The following ALDH1A1 variants were observed in gnomAD, a reference collection of about 807,000 sequenced individuals.
ALDH1A1 encodes aldehyde dehydrogenase 1 family member A1.
A neutral mutation model predicts 62.1 loss-of-function variants in ALDH1A1; 19 were observed. That is an observed-to-expected ratio of 0.31 (90% CI 0.21 to 0.45). The LOEUF (loss-of-function observed/expected upper bound fraction) is 0.45. ALDH1A1 is among the 20% of genes least tolerant of loss of function. The pLI is 1.00. For synonymous variants in ALDH1A1, 231 were observed against 215.9 expected (o/e 1.07, Z -0.61); for missense variants, 521 against 607.1 (o/e 0.86, Z 1.49).
chr9:72,944,141 G>A (rs1178909600), intron 1 of ALDH1A1, among the ~76,000 whole-genome samples: 1 of 152,000 alleles, frequency 6.6e-6, no homozygotes, highest in African/African-American at 2.4e-5. Flanking sequence ...ATATAAAAAG[G>A]GAGAGAGACC....
chr9:72,906,225 A>C (rs1286381759), intron 11 of ALDH1A1, among the ~76,000 whole-genome samples, 193 bp from the exon 12 acceptor site: 3 of 152,144 alleles, frequency 2.0e-5, no homozygotes, highest in African/African-American at 7.2e-5. Context: ...CCTAGAAACA[A>C]ATAGAATAGT....
At chr9:72,931,078 T>G (rs1458300618) in intron 2 of ALDH1A1, 59 bp from the exon 3 acceptor site, 5 of 1,599,478 alleles carry the variant, frequency 3.1e-6, no homozygotes, top group Admixed American at 1.7e-5. Flanking sequence ...GCAAATTTAA[T>G]GCCAATAACC....
intron 7 of ALDH1A1, among the ~76,000 whole-genome samples, chr9:72,920,149 G>C (rs545027010): frequency 6.6e-6 from 1 of 152,044 alleles, no homozygotes; most frequent in Non-Finnish European, 1.5e-5. Context: ...TAGATGTTTC[G>C]TGAGTGTATG....
intron 7 of ALDH1A1, among the ~76,000 whole-genome samples, chr9:72,920,625 G>A (rs1323156754): frequency 6.6e-6 from 1 of 152,226 alleles, no homozygotes; most frequent in Non-Finnish European, 1.5e-5. Flanking sequence ...TTAGAAGTAT[G>A]AATGAGAAAG....
chr9:72,914,404 A>G (rs1588133349), intron 9 of ALDH1A1, among the ~76,000 whole-genome samples: 1 of 152,292 alleles, frequency 6.6e-6, no homozygotes, highest in East Asian at 1.9e-4. Flanking sequence ...AGATTATCCA[A>G]TTGCACTGCA....
rs114821468 is a variant in ALDH1A1 at position 72,910,663 on chromosome 9, G to A, written c.1201-904C>T. ...TTCAATAAAATATTTATTAAGATCA[G>A]ATAAAGATTCCTGAAATTACCAGAA... On this transcript the variant is annotated intron_variant, in intron 10 of 12. Coordinates refer to ENST00000297785, the MANE Select transcript of ALDH1A1 (RefSeq NM_000689.5). 3.3e-3 allele frequency among the ~76,000 whole-genome samples: 502 copies of A among 152,192 alleles called. 2 individuals are homozygous for A. The highest frequency in any genetic ancestry group is 0.012 in the African/African-American group (480 of 41,534).
rs780323039 is a variant in ALDH1A1 at position 72,912,243 on chromosome 9, T to A, written c.1036-121A>T. 4.1e-6 allele frequency: 3 copies of A among 728,000 alleles called. No homozygotes were observed. In the South Asian group the frequency reaches 5.8e-5, roughly 14 times the overall value. The allele number at this position is 728,000 out of a possible 1,614,324, so 45.1% of individuals were successfully genotyped here. On this transcript the variant is annotated intron_variant, in intron 9 of 12. Transcript: ENST00000297785. ...TATTGCAATTAAACCAAATATTGAA[T>A]CGAAACAGCTAACAGAGGTTCAGAT... is the stretch of plus-strand genomic sequence containing the variant.
chr9:72,919,844 T>G (rs348460), intron 7 of ALDH1A1, among the ~76,000 whole-genome samples: 139,959 of 152,264 alleles, frequency 0.92, 64,496 homozygotes, highest in East Asian at 0.98. Context: ...ATGCTAGTTT[T>G]CCCTTTTCAG....
In ALDH1A1 at chr9:72,925,557, C is replaced by T; in HGVS notation, c.560G>A (p.Gly187Glu). 6.2e-7 allele frequency: 1 copy of T among 1,613,962 alleles called. No individual in the cohort carries two copies. The highest frequency in any genetic ancestry group is 1.3e-5 in the African/African-American group (1 of 75,014). Residue 187 changes from glycine (G) to glutamate (E), a missense_variant, in exon 6 of 13, where the codon GGA becomes GAA. Transcript: ENST00000297785. ...IWKIGPALSCGNTVVVKPAEQ... is the reference protein window; with the variant it reads ...IWKIGPALSCENTVVVKPAEQ... ...TGCTGGTTTGACAACCACTGTGTTT[C>T]CACAGCTCAGTGCAGGCCCTATCTT...
At position 72,948,503 on chromosome 9, in the gene ALDH1A1, C is replaced by T. The variant is rs562959412; in HGVS notation, c.66+4432G>A. 2.6e-5 allele frequency among the ~76,000 whole-genome samples: 4 copies of T among 151,956 alleles called. 1 individual carries two copies. The highest frequency in any genetic ancestry group is 2.0e-4 in the Admixed American group (3 of 15,220). ...TTCTTTGAGCATAACATGCTCTTGT[C>T]CTCGGGGTCTTTGCATGTGGTAAGA... On this transcript the variant is annotated intron_variant, in intron 1 of 12. Transcript: ENST00000297785.
At chr9:72,914,230 C>T (rs969925166) in intron 9 of ALDH1A1, among the ~76,000 whole-genome samples, 1 of 152,090 alleles carries the variant, frequency 6.6e-6, no homozygotes, top group African/African-American at 2.4e-5. Flanking sequence ...TACATGTTCT[C>T]AAATTATTCA....
At chr9:72,919,291 T>G (rs777884394) in intron 7 of ALDH1A1, among the ~76,000 whole-genome samples, 12 of 152,206 alleles carry the variant, frequency 7.9e-5, no homozygotes, top group Non-Finnish European at 1.6e-4. Flanking sequence ...GCTATTTCAT[T>G]TTTTATCCCT....
chr9:72,936,284 G>A (rs2118558037), intron 2 of ALDH1A1, among the ~76,000 whole-genome samples: 1 of 152,268 alleles, frequency 6.6e-6, no homozygotes, highest in African/African-American at 2.4e-5. Context: ...AAAGTCCTCA[G>A]ACTGCCTGAC....
intron 10 of ALDH1A1, among the ~76,000 whole-genome samples, chr9:72,910,794 T>C (rs1309501586): frequency 6.6e-6 from 1 of 152,176 alleles, no homozygotes; most frequent in South Asian, 2.1e-4. Flanking sequence ...TGCTGTTCAA[T>C]AGAGGTTGAG....
chr9:72,929,740 G>C lies in ALDH1A1; in HGVS notation c.313-719C>G, dbSNP rs1222138644. On this transcript the variant is annotated intron_variant, in intron 3 of 12. Transcript: ENST00000297785. Reference sequence around the variant, plus strand: ...GGTGGTTACCTGGCAGAAATGCACAGGTGATGAACTGTTAAAGCTATTTGT... The same window carrying C: ...GGTGGTTACCTGGCAGAAATGCACACGTGATGAACTGTTAAAGCTATTTGT... Among the ~76,000 whole-genome samples the C allele has an allele frequency of 2.0e-5, 3 of 152,142 alleles. No homozygotes were observed. In the East Asian group the frequency reaches 5.8e-4, roughly 29 times the overall value.
chr9:72,940,345 G>A, intron 1 of ALDH1A1, 93 bp from the exon 2 acceptor site: 1 of 871,202 alleles, frequency 1.1e-6, no homozygotes, highest in Non-Finnish European at 1.9e-6. Context: ...ATTTCACCAT[G>A]CCTAAATGAT....
chr9:72,901,387 A>C, intron 12 of ALDH1A1, 107 bp from the exon 13 acceptor site: 1 of 699,568 alleles, frequency 1.4e-6, no homozygotes. Context: ...GGCTAGGGAC[A>C]ATAGAAAATA....
chr9:72,918,613 C>CTTT (rs3079046), intron 8 of ALDH1A1, 107 bp downstream of exon 8: 17 of 279,436 alleles, frequency 6.1e-5, no homozygotes, highest in African/African-American at 1.9e-4. Flanking sequence ...GAAGCAAATG[C>CTTT]TTTTTTTTTT....
intron 2 of ALDH1A1, among the ~76,000 whole-genome samples, chr9:72,934,274 C>T (rs996031095): frequency 1.3e-5 from 2 of 152,162 alleles, no homozygotes; most frequent in Non-Finnish European, 2.9e-5. Context: ...TTTCAGTTTT[C>T]ACTGCTCTGA....
Sources: allele counts gnomAD v4.1 joint callset (sites outside exome capture counted in the v4.1 genomes callset), GRCh38; gene constraint gnomAD v4.1.1; transcripts MANE v1.5; gene names NCBI Gene and HGNC (gene_info 2026-07-23, HGNC 2026-07-21).